The following C11orf65 variants were observed in gnomAD, a reference collection of about 807,000 sequenced individuals.
C11orf65 encodes the protein protein MFI.
Under a neutral mutation model 35.3 loss-of-function variants are expected in C11orf65, and 38 were observed. That is an observed-to-expected ratio of 1.08 (90% CI 0.83 to 1.41). The LOEUF (loss-of-function observed/expected upper bound fraction) is 1.41. Among genes scored for constraint, C11orf65 ranks in the 40% most tolerant of loss-of-function variants. The pLI is 0.00. For synonymous variants in C11orf65, 105 were observed against 114.4 expected (o/e 0.92, Z 0.53); for missense variants, 370 against 367.1 (o/e 1.01, Z -0.06).
chr11:108,319,897 A>T, intron 6 of C11orf65: 1 of 1,224,060 alleles, frequency 8.2e-7, no homozygotes, highest in Non-Finnish European at 1.2e-6. Flanking sequence ...CTATTTATAC[A>T]TGTATATCTT....
At chr11:108,408,568 C>G (rs556607926) in intron 3 of C11orf65, among the ~76,000 whole-genome samples, 1 of 151,630 alleles carries the variant, frequency 6.6e-6, no homozygotes, top group Admixed American at 6.6e-5. Flanking sequence ...TCCAGCTACT[C>G]TGGAGGCTGA....
chr11:108,317,615 TTATATATA>T lies in C11orf65; in HGVS notation c.641-8552_641-8545del, dbSNP rs376158749. ...TTCTATGAATATAACAGGAGTTGTT[TTATATATA>T]TATATATATATATATATATATATAT... On this transcript the variant is annotated intron_variant, in intron 6 of 6. Coordinates refer to the C11orf65 transcript ENST00000525729. 0.042 allele frequency: 9,093 copies of T among 214,748 alleles called. 344 individuals are homozygous for T. The highest frequency in any genetic ancestry group is 0.082 in the African/African-American group (1,769 of 21,700). The allele number at this position is 214,748 out of a possible 1,614,324, so 13.3% of individuals were successfully genotyped here.
chr11:108,385,926 A>G lies in C11orf65; in HGVS notation c.781T>C (p.Phe261Leu). ...EIATSNSSAN[F>L]KGFRFNQAQK... is the part of the protein sequence containing the mutation. Reference sequence around the variant, plus strand: ...ACTGCTAAAAATCACCTACCTTTGAAGTTAGCCGAAGAGTTGCTTGTAGCA... The same window carrying G: ...ACTGCTAAAAATCACCTACCTTTGAGGTTAGCCGAAGAGTTGCTTGTAGCA... Residue 261 changes from phenylalanine (F) to leucine (L), a missense_variant, in exon 8 of 9, where the codon TTC becomes CTC. Transcript: ENST00000393084. 3 of 1,613,808 alleles carry G rather than the reference A, an allele frequency of 1.9e-6. No individual in the cohort carries two copies. Among genetic ancestry groups the G allele is most frequent in the Non-Finnish European group, 2.5e-6 (3 of 1,179,798 alleles).
intron 6 of C11orf65, among the ~76,000 whole-genome samples, chr11:108,318,447 TG>T (rs771451976): frequency 3.3e-5 from 5 of 152,078 alleles, no homozygotes; most frequent in Non-Finnish European, 7.4e-5. Flanking sequence ...TCCCAGCACT[TG>T]GAGAGCTGAG....
Position 108,362,551 on chromosome 11 carries a change from A to G in C11orf65, c.227-27259T>C, listed in dbSNP as rs1296901329. On this transcript the variant is annotated intron_variant, in intron 2 of 3. Transcript: ENST00000524755. The stretch of plus-strand genomic sequence containing the variant: ...ATAGCAAAGACTTGGAACCAACCCA[A>G]ATGTCCAACAATGATAGACTGGATT... 6.0e-5 allele frequency among the ~76,000 whole-genome samples: 9 copies of G among 149,256 alleles called. No homozygotes were observed. The East Asian group carries it at 9.9e-4, about 16-fold the overall frequency.
At position 108,406,861 on chromosome 11, in the gene C11orf65, G is replaced by A. The variant is rs1162054779; in HGVS notation, c.331C>T (p.His111Tyr). ...PRNYAKLPAK[H>Y]TSHNKNDHLQ... ...TGATCATTTTTATTATGAGATGTATGCTTTGCTGGAAGTTTTGCATAATTT... is the reference window on the plus strand; with the variant it reads ...TGATCATTTTTATTATGAGATGTATACTTTGCTGGAAGTTTTGCATAATTT... Residue 111 changes from histidine to tyrosine, a missense_variant, in exon 5 of 9, where the codon CAT (histidine) becomes TAT (tyrosine). Physicochemically the swap from His to Tyr is moderately conservative, Grantham distance 83. Coordinates refer to ENST00000393084, the MANE Select transcript of C11orf65 (RefSeq NM_152587.5). 20 of 1,612,350 alleles carry A rather than the reference G, an allele frequency of 1.2e-5. No homozygotes were observed. The highest frequency in any genetic ancestry group is 1.6e-5 in the Non-Finnish European group (19 of 1,178,750).
rs1407907917 is a variant in C11orf65 at position 108,326,088 on chromosome 11, CA to C, written c.641-17018del. 6.2e-7 allele frequency: 1 copy of C among 1,613,928 alleles called. No homozygotes were observed. Among genetic ancestry groups the C allele is most frequent in the Non-Finnish European group, 8.5e-7 (1 of 1,179,998 alleles). On this transcript the variant is annotated intron_variant, in intron 6 of 6. Transcript: ENST00000525729. ...TGAAAGGGCAATATTTCAAATTAAA[CA>C]GTACAATTCAGTTAGCTGTGGAGTC...
At chr11:108,386,860 T>G (rs1420245367) in intron 7 of C11orf65, among the ~76,000 whole-genome samples, 2 of 151,996 alleles carry the variant, frequency 1.3e-5, no homozygotes, top group Non-Finnish European at 2.9e-5. Flanking sequence ...GGTGGGCGGA[T>G]CACAAGGTCA....
At chr11:108,458,114 A>G (rs985695232) in intron 2 of C11orf65, among the ~76,000 whole-genome samples, 16 of 152,100 alleles carry the variant, frequency 1.1e-4, no homozygotes, top group Non-Finnish European at 1.5e-5. Flanking sequence ...GAGGCACTCA[A>G]TATCCTGATC....
chr11:108,323,132 G>T (rs750583622), intron 6 of C11orf65, among the ~76,000 whole-genome samples: 3 of 152,170 alleles, frequency 2.0e-5, no homozygotes, highest in Non-Finnish European at 4.4e-5. Flanking sequence ...TGTTTTGGAA[G>T]TAGAAAAGAG....
At chr11:108,431,204 TGAG>T (rs903330983) in intron 3 of C11orf65, among the ~76,000 whole-genome samples, 48 of 151,914 alleles carry the variant, frequency 3.2e-4, no homozygotes, top group African/African-American at 1.1e-3. Flanking sequence ...CACTTATCCA[TGAG>T]GAGACATGAA....
intron 6 of C11orf65, among the ~76,000 whole-genome samples, chr11:108,319,063 G>C (rs1440250568): frequency 6.6e-6 from 1 of 151,966 alleles, no homozygotes; most frequent in Non-Finnish European, 1.5e-5. Flanking sequence ...TGTAGTCCCA[G>C]CTGCTTGGGA....
At chr11:108,320,531 T>C (rs2085128113) in intron 6 of C11orf65, among the ~76,000 whole-genome samples, 1 of 152,246 alleles carries the variant, frequency 6.6e-6, no homozygotes, top group African/African-American at 2.4e-5. Context: ...TAAAATTTAC[T>C]ATCATTTAAG....
At chr11:108,405,795 A>C (rs2138643248) in intron 5 of C11orf65, among the ~76,000 whole-genome samples, 1 of 152,332 alleles carries the variant, frequency 6.6e-6, no homozygotes, top group South Asian at 2.1e-4. Context: ...GTGCTTAATA[A>C]GTGTTGAATG....
At chr11:108,381,217 T>G (rs1472310668), downstream of C11orf65, among the ~76,000 whole-genome samples, 1 of 152,158 alleles carries the variant, frequency 6.6e-6, no homozygotes, top group Non-Finnish European at 1.5e-5. Flanking sequence ...GGAAATTAGG[T>G]TGGCCCCTCT....
downstream of C11orf65, chr11:108,330,513 T>C: frequency 2.3e-6 from 3 of 1,281,896 alleles, no homozygotes; most frequent in East Asian, 4.6e-5. Context: ...CCTCTTTGTA[T>C]TCCTAGCACT....
At chr11:108,373,091 T>A (rs991768102) in intron 2 of C11orf65, among the ~76,000 whole-genome samples, 7 of 150,752 alleles carry the variant, frequency 4.6e-5, no homozygotes, top group African/African-American at 1.7e-4. Context: ...AAAAAAAAAA[T>A]TAAAAGAAAG....
At chr11:108,325,951 AGTT>A in intron 6 of C11orf65, 1 of 1,348,084 alleles carries the variant, frequency 7.4e-7, no homozygotes, top group Non-Finnish European at 1.0e-6. Flanking sequence ...CCTGACAAGT[AGTT>A]AAGTCCTCAA....
intron 2 of C11orf65, among the ~76,000 whole-genome samples, chr11:108,375,521 C>T (rs2091698253): frequency 2.0e-5 from 3 of 151,622 alleles, no homozygotes; most frequent in Non-Finnish European, 2.9e-5. Flanking sequence ...GTACCAGCCA[C>T]TGCAAAATCA....
Sources: gnomAD v4.1 joint callset for allele counts (sites outside exome capture counted in the v4.1 genomes callset) on GRCh38, gnomAD v4.1.1 for gene constraint, MANE v1.5 for transcripts, NCBI Gene and HGNC (gene_info 2026-07-23, HGNC 2026-07-21) for gene names.